The following KCNIP4 variants were observed in gnomAD, a reference collection of about 807,000 sequenced individuals.
The protein encoded by KCNIP4 is potassium voltage-gated channel interacting protein 4.
KCNIP4 carries 12 observed loss-of-function variants against 34.0 expected under a neutral mutation model. That is an observed-to-expected ratio of 0.35 (90% confidence interval 0.23 to 0.57). The LOEUF (loss-of-function observed/expected upper bound fraction) is 0.57, where lower values mean the gene tolerates loss of function less well. Among genes scored for constraint, KCNIP4 ranks in the 20% least tolerant of loss-of-function variants. The pLI is 0.83. For missense variants in KCNIP4, 238 were observed against 311.7 expected (o/e 0.76, Z 1.78); for synonymous variants, 124 against 102.2 (o/e 1.21, Z -1.29).
intron 1 of KCNIP4, among the ~76,000 whole-genome samples, chr4:21,068,734 G>C (rs927956176): frequency 6.6e-6 from 1 of 152,128 alleles, no homozygotes; most frequent in Admixed American, 6.6e-5. Flanking sequence ...CCTAAATGTA[G>C]TAATAGTACT....
At chr4:21,608,656 T>C (rs966180716) in intron 1 of KCNIP4, among the ~76,000 whole-genome samples, 3 of 152,180 alleles carry the variant, frequency 2.0e-5, no homozygotes, top group Non-Finnish European at 4.4e-5. Context: ...TTTTGCCATG[T>C]AATATAACAT....
At chr4:21,433,469 A>G (rs1248611596) in intron 1 of KCNIP4, among the ~76,000 whole-genome samples, 1 of 152,176 alleles carries the variant, frequency 6.6e-6, no homozygotes, top group Non-Finnish European at 1.5e-5. Flanking sequence ...CAAACATAAA[A>G]TAGACCTAAA....
rs1265920430 is a variant in KCNIP4 at position 20,729,309 on chromosome 4, C to CTTAATGATTGATACTAATGATTGATACAA, written c.*744_*772dup. 6.6e-6 allele frequency: 1 copy of CTTAATGATTGATACTAATGATTGATACAA among 151,690 alleles called. No homozygotes were observed. The highest frequency in any genetic ancestry group is 6.6e-5 in the Admixed American group (1 of 15,064). 9.4% of individuals were successfully genotyped at this position (151,690 alleles called of 1,614,324 possible). A position where few individuals can be genotyped will look rare whatever the true frequency, so the allele number is the denominator to read the frequency against. ...TGTTTGATGCCTTCTTCAACTTCCA[C>CTTAATGATTGATACTAATGATTGATACAA]TTAATGATTGATACTAATGATTGAT... On this transcript the variant is annotated 3_prime_UTR_variant, in exon 9 of 9. Coordinates refer to ENST00000382152, the MANE Select transcript of KCNIP4 (RefSeq NM_025221.6).
At chr4:20,939,900 T>C (rs964711209) in intron 1 of KCNIP4, among the ~76,000 whole-genome samples, 1 of 152,240 alleles carries the variant, frequency 6.6e-6, no homozygotes, top group Non-Finnish European at 1.5e-5. Context: ...CTTTTAGCAA[T>C]GTCTGAACTC....
chr4:20,744,986 G>A (rs1389926978), intron 5 of KCNIP4, among the ~76,000 whole-genome samples: 3 of 152,076 alleles, frequency 2.0e-5, no homozygotes, highest in Non-Finnish European at 2.9e-5. Flanking sequence ...CTGGATTTGT[G>A]GTTGCCATTT....
intron 3 of KCNIP4, among the ~76,000 whole-genome samples, chr4:20,775,527 T>A (rs1756297548): frequency 8.3e-6 from 1 of 120,394 alleles, no homozygotes; most frequent in Admixed American, 9.7e-5. Context: ...ATAGTGAGAC[T>A]CAGTTTCTTA....
At chr4:21,359,312 A>T (rs555746641) in intron 1 of KCNIP4, among the ~76,000 whole-genome samples, 1 of 152,210 alleles carries the variant, frequency 6.6e-6, no homozygotes, top group African/African-American at 2.4e-5. Flanking sequence ...AAATTACACC[A>T]TTGGCATCCT....
chr4:21,074,173 C>T (rs1159718071), intron 1 of KCNIP4, among the ~76,000 whole-genome samples: 1 of 152,022 alleles, frequency 6.6e-6, no homozygotes, highest in Non-Finnish European at 1.5e-5. Context: ...GGGAGGATTC[C>T]CTCTTTTTCT....
intron 1 of KCNIP4, among the ~76,000 whole-genome samples, chr4:21,285,070 AT>A (rs1355129352): frequency 3.3e-5 from 5 of 152,200 alleles, no homozygotes; most frequent in Admixed American, 2.6e-4. Flanking sequence ...CAATATCCCC[AT>A]TATGGCTTAG....
chr4:21,071,636 T>G (rs1457380249), intron 1 of KCNIP4, among the ~76,000 whole-genome samples: 1 of 152,174 alleles, frequency 6.6e-6, no homozygotes, highest in Non-Finnish European at 1.5e-5. Flanking sequence ...TATTTATTTT[T>G]TTATCTTTTG....
At position 21,585,305 on chromosome 4, in the gene KCNIP4, CT is replaced by C. The variant is rs530810666; in HGVS notation, c.61+363265del. 4.1e-3 allele frequency among the ~76,000 whole-genome samples: 629 copies of C among 152,164 alleles called. 8 individuals carry two copies. Among genetic ancestry groups the C allele is most frequent in the African/African-American group, 0.014 (600 of 41,542 alleles). ...AGAGACCTGGCCTGGTCCAGGAACT[CT>C]GCTTCAGATCCCCAGATCCTACTTA... On this transcript the variant is annotated intron_variant, in intron 1 of 8. Coordinates refer to ENST00000382152, the MANE Select transcript of KCNIP4 (RefSeq NM_025221.6).
chr4:21,591,246 C>T (rs376579064), intron 1 of KCNIP4, among the ~76,000 whole-genome samples: 2 of 152,026 alleles, frequency 1.3e-5, no homozygotes, highest in East Asian at 3.9e-4. Flanking sequence ...ATTAGGAAAA[C>T]CTTCTGCCAG....
rs955008213 is a variant in KCNIP4 at position 20,916,358 on chromosome 4, T to C, written c.62-33649A>G. 5.1e-6 allele frequency: 5 copies of C among 985,184 alleles called. No individual in the cohort carries two copies. The African/African-American group carries it at 8.7e-5, about 17-fold the overall frequency. 61.0% of individuals were successfully genotyped at this position (985,184 alleles called of 1,614,324 possible). On this transcript the variant is annotated intron_variant, in intron 1 of 8. Transcript: ENST00000382152. ...TTGTTATGGTGCACTTGCCTCATCC[T>C]GTAAAATTGTGGTGATGTGGCCTAT...
At position 21,239,759 on chromosome 4, in the gene KCNIP4, C is replaced by G. The variant is rs990507019; in HGVS notation, c.62-357050G>C. Among the ~76,000 whole-genome samples, 5 of 152,110 alleles carry G rather than the reference C, an allele frequency of 3.3e-5. No individual in the cohort carries two copies. The East Asian group carries it at 7.7e-4, about 24-fold the overall frequency. On this transcript the variant is annotated intron_variant, in intron 1 of 8. Transcript: ENST00000382152. ...GAGAGGATGTGGAGAAATAGGAACA[C>G]TTTTACACTGTTGGTGGGACTGTAA...
chr4:21,309,312 T>TA (rs1371837507), intron 1 of KCNIP4, among the ~76,000 whole-genome samples: 4 of 152,164 alleles, frequency 2.6e-5, no homozygotes, highest in Admixed American at 1.3e-4. Flanking sequence ...TGTTTCTGAT[T>TA]GTTCATCTTT....
chr4:21,728,648 G>A (rs917853267), intron 1 of KCNIP4, among the ~76,000 whole-genome samples: 1 of 151,998 alleles, frequency 6.6e-6, no homozygotes, highest in Non-Finnish European at 1.5e-5. Context: ...TTTTTTCTCT[G>A]TTTCCTCTCT....
chr4:21,395,190 G>C (rs1347084915), intron 1 of KCNIP4, among the ~76,000 whole-genome samples: 1 of 152,126 alleles, frequency 6.6e-6, no homozygotes, highest in African/African-American at 2.4e-5. Context: ...AAATTTGTGA[G>C]AAATAAGGCT....
intron 1 of KCNIP4, among the ~76,000 whole-genome samples, chr4:21,126,617 CA>C (rs71655615): frequency 1.1e-3 from 87 of 82,016 alleles, no homozygotes; most frequent in Middle Eastern, 8.6e-3. Flanking sequence ...AGAGAAATAG[CA>C]AAAAAAAAAA....
At chr4:20,742,713 A>G (rs1223585738) in intron 5 of KCNIP4, among the ~76,000 whole-genome samples, 1 of 152,186 alleles carries the variant, frequency 6.6e-6, no homozygotes, top group East Asian at 1.9e-4. Flanking sequence ...AGTTCTGGCC[A>G]GGGCAATCAG....
Sources: gnomAD v4.1 joint callset for allele counts (sites outside exome capture counted in the v4.1 genomes callset) on GRCh38, gnomAD v4.1.1 for gene constraint, MANE v1.5 for transcripts, NCBI Gene and HGNC (gene_info 2026-07-23, HGNC 2026-07-21) for gene names.